NOMO2: variants seen among roughly 807,000 people sequenced by gnomAD.
NOMO2 encodes BOS complex subunit NOMO2.
Under a neutral mutation model 67.1 loss-of-function variants are expected in NOMO2, and 14 were observed. The observed-to-expected ratio is 0.21, with a 90% CI of 0.14 to 0.33. NOMO2 has a LOEUF of 0.33. Among genes scored for constraint, NOMO2 ranks in the 10% least tolerant of loss-of-function variants. The probability of loss-of-function intolerance (pLI) is 1.00; values close to 1 mark genes in which losing one functional copy is unlikely to be tolerated. For synonymous variants in NOMO2, 80 were observed against 305.9 expected (o/e 0.26, Z 7.71); for missense variants, 178 against 761.0 (o/e 0.23, Z 9.01).
intron 1 of NOMO2, among the ~76,000 whole-genome samples, chr16:18,560,430 G>C (rs1902010868): frequency 6.6e-6 from 1 of 151,626 alleles, no homozygotes; most frequent in Admixed American, 6.6e-5. Context: ...GGCCTTACTG[G>C]CCTCTTGCAT....
chr16:18,561,103 T>C (rs1302029517), intron 1 of NOMO2, among the ~76,000 whole-genome samples: 1 of 140,974 alleles, frequency 7.1e-6, no homozygotes, highest in East Asian at 2.2e-4. Context: ...CCCTTTCCTC[T>C]TTACGGGAAC....
At chr16:18,544,318 A>G (rs981210557) in intron 6 of NOMO2, among the ~76,000 whole-genome samples, 1 of 151,210 alleles carries the variant, frequency 6.6e-6, no homozygotes, top group African/African-American at 2.4e-5. Flanking sequence ...ATTTGTTTCC[A>G]CTGCTTTATA....
Position 18,561,912 on chromosome 16 carries a change from G to C in NOMO2, c.129C>G (p.Val43=), listed in dbSNP as rs1485485024. 20 of 1,575,642 alleles carry C rather than the reference G, an allele frequency of 1.3e-5. No homozygotes were observed. In the Admixed American group the frequency reaches 1.9e-4, roughly 15 times the overall value. Residue 43 remains valine (V), a synonymous_variant, in exon 1 of 31, where the codon GTC becomes GTG. Coordinates refer to ENST00000622306, the MANE Select transcript of NOMO2 (RefSeq NM_173614.4). ...AGTAGTTGATCTCCACGTCCGACTT[G>C]ACGAAGCCACCGCAGCCCACCACGA... ...EDIVVGCGGF[V]KSDVEINYSL...
intron 9 of NOMO2, among the ~76,000 whole-genome samples, chr16:18,539,907 C>A (rs1228915915): frequency 1.3e-5 from 2 of 152,062 alleles, no homozygotes; most frequent in Admixed American, 6.5e-5. Context: ...TGAGTTCCAG[C>A]CCTGATCTGT....
chr16:18,533,143 G>C lies in NOMO2; in HGVS notation c.1257C>G (p.Phe419Leu). The C allele has an allele frequency of 6.2e-7, 1 of 1,611,470 alleles. No individual in the cohort carries two copies. The highest frequency in any genetic ancestry group is 8.5e-7 in the Non-Finnish European group (1 of 1,179,748). Residue 419 changes from phenylalanine (F) to leucine (L), a missense_variant, in exon 12 of 31, where the codon TTC becomes TTG. By Grantham distance (22) the Phe-to-Leu change is conservative. Coordinates refer to ENST00000622306, the MANE Select transcript of NOMO2 (RefSeq NM_173614.4). ...SVCGRISIIR[F>L]PDTVKQMNKY... is the part of the protein sequence containing the mutation. ...TATTCATCTGCTTGACGGTGTCCGG[G>C]AAGCGAATGATTGATATCCGACCAC...
intron 16 of NOMO2, among the ~76,000 whole-genome samples, chr16:18,526,098 G>T (rs1183381055): frequency 1.0e-4 from 15 of 148,990 alleles, no homozygotes; most frequent in East Asian, 2.0e-4. Flanking sequence ...GACAGTGGCA[G>T]ACAGGGCTGG....
At chr16:18,526,034 T>C (rs1248543911) in intron 16 of NOMO2, among the ~76,000 whole-genome samples, 1 of 151,974 alleles carries the variant, frequency 6.6e-6, no homozygotes, top group Non-Finnish European at 1.5e-5. Context: ...TTTTGTTACA[T>C]GTAGCCAAAG....
chr16:18,539,178 CA>C (rs1375214448), intron 9 of NOMO2, among the ~76,000 whole-genome samples: 4 of 148,058 alleles, frequency 2.7e-5, no homozygotes, highest in African/African-American at 9.9e-5. Context: ...TGCTGAGTGT[CA>C]AACAACAGAA....
intron 11 of NOMO2, among the ~76,000 whole-genome samples, chr16:18,536,947 G>T (rs1421578268): frequency 6.6e-6 from 1 of 151,854 alleles, no homozygotes; most frequent in African/African-American, 2.4e-5. Flanking sequence ...TGTTCACCAG[G>T]GCCCAGCTCC....
At chr16:18,556,990 A>T (rs1228806831) in intron 2 of NOMO2, among the ~76,000 whole-genome samples, 1 of 151,962 alleles carries the variant, frequency 6.6e-6, no homozygotes, top group Admixed American at 6.6e-5. Context: ...AGCTGGGTGT[A>T]GTGGCAGGTG....
intron 3 of NOMO2, among the ~76,000 whole-genome samples, chr16:18,551,751 G>A (rs1901793402): frequency 6.7e-6 from 1 of 149,286 alleles, no homozygotes; most frequent in South Asian, 2.2e-4. Context: ...CTAGCCTCCT[G>A]GTTTCCTGCC....
chr16:18,536,520 T>A (rs1189119008), intron 11 of NOMO2, among the ~76,000 whole-genome samples: 6 of 152,062 alleles, frequency 3.9e-5, no homozygotes, highest in Admixed American at 2.6e-4. Flanking sequence ...CTAGCTAATT[T>A]TTGCATTTTT....
Position 18,550,652 on chromosome 16 carries a change from C to T in NOMO2, c.402+787G>A, listed in dbSNP as rs932351502. 3.0e-4 allele frequency among the ~76,000 whole-genome samples: 45 copies of T among 152,166 alleles called. 1 individual carries two copies. Among genetic ancestry groups the T allele is most frequent in the African/African-American group, 5.5e-4 (23 of 41,518 alleles). On this transcript the variant is annotated intron_variant, in intron 4 of 30. Transcript: ENST00000622306. ...GAATCGCGGGAGCTGGGCACACACC[C>T]GTTAGGACTCTAAATTCACACCACC...
intron 15 of NOMO2, among the ~76,000 whole-genome samples, chr16:18,528,272 A>C (rs1349804413): frequency 4.6e-5 from 7 of 151,822 alleles, no homozygotes; most frequent in Admixed American, 4.6e-4. Flanking sequence ...CAAAAAAAAA[A>C]AAAAAAAGGA....
rs1421441135 is a variant in NOMO2 at position 18,554,575 on chromosome 16, T to C, written c.301+232A>G. The stretch of plus-strand genomic sequence containing the variant: ...TGCAAGGGAAGAGTTTCCAGAAAGG[T>C]AGAAGAAAAGATGTCTATTTTTCAA... On this transcript the variant is annotated intron_variant, in intron 3 of 30. Coordinates refer to ENST00000622306, the MANE Select transcript of NOMO2 (RefSeq NM_173614.4). 1.4e-5 allele frequency among the ~76,000 whole-genome samples: 2 copies of C among 147,462 alleles called. 1 individual carries two copies. Among genetic ancestry groups the C allele is most frequent in the African/African-American group, 5.0e-5 (2 of 39,986 alleles).
At chr16:18,558,598 C>T (rs1347923970) in intron 1 of NOMO2, 1 of 203,032 alleles carries the variant, frequency 4.9e-6, no homozygotes, top group Non-Finnish European at 1.1e-5. Context: ...TTTCTCATTA[C>T]TTTCATTCTC....
In NOMO2 at chr16:18,531,544, T is replaced by C. The variant is rs1232137215; in HGVS notation, c.1459A>G (p.Thr487Ala). The C allele has an allele frequency of 2.5e-6, 4 of 1,606,680 alleles. No homozygotes were observed. The South Asian group carries it at 4.4e-5, about 18-fold the overall frequency. The change falls in exon 13 of 31, where the codon ACT (threonine) becomes GCT (alanine). Residue 487 changes from threonine (T) to alanine (A), a missense_variant. Transcript: ENST00000622306. ...LTLKPQTFPL[T>A]VTDRPVMDVA... ...TCCATCACGGGCCTGTCGGTCACAG[T>C]AAGAGGAAATGTCTGGGGTTTCAAC...
intron 11 of NOMO2, among the ~76,000 whole-genome samples, chr16:18,536,537 G>T (rs145419207): frequency 1.3e-5 from 2 of 152,028 alleles, no homozygotes; most frequent in East Asian, 3.9e-4. Context: ...TTTTGGTAGA[G>T]ATGTTGTTTT....
At chr16:18,535,943 C>T (rs1195262246) in intron 11 of NOMO2, among the ~76,000 whole-genome samples, 3 of 152,018 alleles carry the variant, frequency 2.0e-5, no homozygotes, top group East Asian at 1.9e-4. Flanking sequence ...ATTACAGGAA[C>T]GCATCACCAT....
Sources: allele counts gnomAD v4.1 joint callset (sites outside exome capture counted in the v4.1 genomes callset), GRCh38; gene constraint gnomAD v4.1.1; transcripts MANE v1.5; gene names NCBI Gene and HGNC (gene_info 2026-07-23, HGNC 2026-07-21).